FBXW10B: variants seen among roughly 807,000 people sequenced by gnomAD.
FBXW10B encodes the protein F-box and WD repeat domain containing 10B.
chr17:15,615,321 C>CTTTTTTTT, the FBXW10B span, among the ~76,000 whole-genome samples: 607 of 88,622 alleles, frequency 6.8e-3, 40 homozygotes, highest in African/African-American at 0.02. Flanking sequence ...TATTGGCTTT[C>CTTTTTTTT]TTTTTTTTTT....
At chr17:15,579,146 A>AAAATAAATAAATAAATAAAT in the FBXW10B span, among the ~76,000 whole-genome samples, 37 of 144,650 alleles carry the variant, frequency 2.6e-4, no homozygotes, top group Middle Eastern at 3.5e-3. Flanking sequence ...CCCATTTCTT[A>AAAATAAATAAATAAATAAAT]AAATAAATAA....
At chr17:15,617,481 T>G in the FBXW10B span, among the ~76,000 whole-genome samples, 1 of 152,170 alleles carries the variant, frequency 6.6e-6, no homozygotes, top group Non-Finnish European at 1.5e-5. Context: ...TGATACAGTT[T>G]GGATATTTGT....
the FBXW10B span, chr17:15,588,464 T>C: frequency 1.5e-5 from 3 of 198,802 alleles, no homozygotes; most frequent in East Asian, 1.1e-4. Context: ...AATGGAACAC[T>C]GTGCAGGAGG....
chr17:15,610,235 G>T, the FBXW10B span, among the ~76,000 whole-genome samples: 1 of 152,176 alleles, frequency 6.6e-6, no homozygotes, highest in Non-Finnish European at 1.5e-5. Flanking sequence ...ACAGTCAACA[G>T]GTTTATTTCA....
At chr17:15,594,982 C>G in the FBXW10B span, 1 of 1,553,706 alleles carries the variant, frequency 6.4e-7, no homozygotes, top group South Asian at 1.2e-5. Flanking sequence ...CAAAGCCACC[C>G]CCCAACCAAT....
the FBXW10B span, chr17:15,598,613 C>T: frequency 7.6e-5 from 123 of 1,613,058 alleles, 1 homozygote; most frequent in South Asian, 9.0e-4. Context: ...TGGTGACCAC[C>T]GAAGATTCGT....
chr17:15,578,202 A>G, the FBXW10B span, among the ~76,000 whole-genome samples: 9 of 151,828 alleles, frequency 5.9e-5, no homozygotes, highest in Non-Finnish European at 1.0e-4. Flanking sequence ...CTGAAGAAGC[A>G]TTTTTTGTTT....
the FBXW10B span, among the ~76,000 whole-genome samples, chr17:15,568,062 A>G: frequency 6.6e-6 from 1 of 152,202 alleles, no homozygotes; most frequent in Non-Finnish European, 1.5e-5. Context: ...TCATACTATC[A>G]TCATCGGAAC....
At chr17:15,589,124 C>T in the FBXW10B span, 8 of 1,608,416 alleles carry the variant, frequency 5.0e-6, no homozygotes, top group East Asian at 4.5e-5. Flanking sequence ...TGAGCACACT[C>T]GGTCAAGGAG....
the FBXW10B span, chr17:15,573,641 T>C: frequency 6.4e-6 from 1 of 155,202 alleles, no homozygotes; most frequent in Non-Finnish European, 1.4e-5. Flanking sequence ...AAATTGAAAA[T>C]GCATCTGGTC....
At chr17:15,598,546 T>C in the FBXW10B span, 1 of 1,613,766 alleles carries the variant, frequency 6.2e-7, no homozygotes, top group African/African-American at 1.3e-5. Context: ...TACCTGGCAA[T>C]CTCTTCCTCC....
the FBXW10B span, chr17:15,593,463 C>T: frequency 3.0e-3 from 4,890 of 1,614,046 alleles, 90 homozygotes; most frequent in African/African-American, 0.051. Context: ...GCTGATGACC[C>T]GGAGGAAGAG....
the FBXW10B span, chr17:15,615,926 C>A: frequency 6.9e-7 from 1 of 1,443,234 alleles, no homozygotes; most frequent in Non-Finnish European, 9.2e-7. Context: ...CAGAATGGAC[C>A]AGAGCAGTTA....
chr17:15,612,301 A>T, the FBXW10B span, among the ~76,000 whole-genome samples: 18 of 151,952 alleles, frequency 1.2e-4, no homozygotes, highest in Middle Eastern at 3.4e-3. Context: ...AGGTCAGGAG[A>T]TCAAGACCAT....
At chr17:15,568,397 G>A in the FBXW10B span, among the ~76,000 whole-genome samples, 5 of 151,884 alleles carry the variant, frequency 3.3e-5, no homozygotes, top group Non-Finnish European at 7.4e-5. Context: ...AGTGTGACGT[G>A]GGAGCACAAA....
the FBXW10B span, chr17:15,588,794 G>C: frequency 2.8e-6 from 3 of 1,079,248 alleles, no homozygotes; most frequent in South Asian, 3.8e-5. Context: ...GCCGATTTTA[G>C]GCAGTGTGAT....
At chr17:15,594,200 A>C in the FBXW10B span, among the ~76,000 whole-genome samples, 2 of 152,042 alleles carry the variant, frequency 1.3e-5, no homozygotes, top group Non-Finnish European at 2.9e-5. Context: ...TGGCTGGGCA[A>C]GGTGGCTCAC....
the FBXW10B span, among the ~76,000 whole-genome samples, chr17:15,587,765 C>G: frequency 6.6e-6 from 1 of 152,202 alleles, no homozygotes; most frequent in Admixed American, 6.5e-5. Flanking sequence ...TAAAGTCTGC[C>G]TCTCTAGGGA....
the FBXW10B span, among the ~76,000 whole-genome samples, chr17:15,609,426 C>A: frequency 6.6e-6 from 1 of 152,138 alleles, no homozygotes; most frequent in Non-Finnish European, 1.5e-5. Flanking sequence ...TAATGCCGCC[C>A]TGGATTCTCC....
Sources: gnomAD v4.1 joint callset for allele counts (sites outside exome capture counted in the v4.1 genomes callset) on GRCh38, gnomAD v4.1.1 for gene constraint, MANE v1.5 for transcripts, NCBI Gene and HGNC (gene_info 2026-07-23, HGNC 2026-07-21) for gene names.